GSE1: variants seen among roughly 807,000 people sequenced by gnomAD.
The protein encoded by GSE1 is Gse1 coiled-coil protein.
Under a neutral mutation model 112.6 loss-of-function variants are expected in GSE1, and 32 were observed. The observed-to-expected ratio is 0.28, with a 90% CI of 0.21 to 0.38. GSE1 has a LOEUF of 0.38. Among genes scored for constraint, GSE1 ranks in the 10% least tolerant of loss-of-function variants. The pLI is 1.00. For missense variants in GSE1, 2,348 were observed against 1,699.2 expected, an observed-to-expected ratio of 1.38 and a Z score of -6.71; for synonymous variants, 1,115 against 735.6, an observed-to-expected ratio of 1.52 and a Z score of -8.35.
At chr16:85,248,461 C>T (rs572004550) in intron 1 of GSE1, among the ~76,000 whole-genome samples, 50 of 151,960 alleles carry the variant, frequency 3.3e-4, no homozygotes, top group Non-Finnish European at 6.0e-4. Flanking sequence ...CTCACGCTCC[C>T]TCCTTTTTCC....
intron 1 of GSE1, among the ~76,000 whole-genome samples, chr16:85,268,744 C>G (rs1316707247): frequency 6.6e-6 from 1 of 152,214 alleles, no homozygotes; most frequent in Non-Finnish European, 1.5e-5. Context: ...CAGACACCCT[C>G]TGCCTTCCTC....
chr16:85,391,087 GC>G (rs944666086), intron 2 of GSE1, among the ~76,000 whole-genome samples: 1 of 150,900 alleles, frequency 6.6e-6, no homozygotes, highest in Non-Finnish European at 1.5e-5. Context: ...CCCAGGCACC[GC>G]CCCCCCACCG....
chr16:85,556,880 T>G (rs2045253251), intron 1 of GSE1, among the ~76,000 whole-genome samples: 1 of 151,150 alleles, frequency 6.6e-6, no homozygotes, highest in Non-Finnish European at 1.5e-5. Flanking sequence ...CCTGGAAGGT[T>G]TTGTTCCGCC....
At chr16:85,483,677 C>T (rs2151877831) in intron 2 of GSE1, among the ~76,000 whole-genome samples, 1 of 152,396 alleles carries the variant, frequency 6.6e-6, no homozygotes, top group East Asian at 1.9e-4. Flanking sequence ...CACCTGAGAA[C>T]ATGCTGGCAA....
chr16:85,321,558 C>T (rs868585465), intron 1 of GSE1, among the ~76,000 whole-genome samples: 49 of 152,066 alleles, frequency 3.2e-4, no homozygotes, highest in African/African-American at 1.1e-3. Flanking sequence ...CATTTGAGCC[C>T]GGGGGAGTTT....
intron 1 of GSE1, among the ~76,000 whole-genome samples, chr16:85,233,340 A>T (rs1326208491): frequency 6.6e-6 from 1 of 152,218 alleles, no homozygotes; most frequent in Admixed American, 6.5e-5. Flanking sequence ...GGTTGACAGA[A>T]TTGTCACCAA....
intron 1 of GSE1, among the ~76,000 whole-genome samples, chr16:85,291,053 A>G (rs1402748286): frequency 6.6e-6 from 1 of 152,250 alleles, no homozygotes; most frequent in Non-Finnish European, 1.5e-5. Context: ...TCAGGCAGAC[A>G]CTGTCCACAC....
chr16:85,492,447 A>C (rs918939277), intron 2 of GSE1, among the ~76,000 whole-genome samples: 3 of 152,212 alleles, frequency 2.0e-5, no homozygotes, highest in Non-Finnish European at 4.4e-5. Context: ...TGGCAACAGC[A>C]GTAAATGCTT....
intron 2 of GSE1, among the ~76,000 whole-genome samples, chr16:85,449,204 C>T (rs972559354): frequency 6.6e-6 from 1 of 152,188 alleles, no homozygotes; most frequent in African/African-American, 2.4e-5. Flanking sequence ...TAATGGTGCC[C>T]GTTTCACCTA....
chr16:85,422,903 G>A (rs374995393), intron 2 of GSE1, among the ~76,000 whole-genome samples: 2 of 152,160 alleles, frequency 1.3e-5, no homozygotes, highest in African/African-American at 4.8e-5. Context: ...GCCGCACCCC[G>A]CTTGCTCACC....
At chr16:85,196,208 T>G (rs1288002446) in intron 1 of GSE1, among the ~76,000 whole-genome samples, 1 of 152,206 alleles carries the variant, frequency 6.6e-6, no homozygotes, top group African/African-American at 2.4e-5. Context: ...GCCCGTGTTA[T>G]CATTGTCTCG....
At chr16:85,598,857 G>C (rs1567631714) in intron 1 of GSE1, among the ~76,000 whole-genome samples, 1 of 152,232 alleles carries the variant, frequency 6.6e-6, no homozygotes, top group Non-Finnish European at 1.5e-5. Flanking sequence ...CCCCTTGTTT[G>C]CTGGAGCAGG....
At position 85,649,970 on chromosome 16, in the gene GSE1, G is replaced by T. The variant is rs76095800; in HGVS notation, c.426+1219G>T. On this transcript the variant is annotated intron_variant, in intron 3 of 15. Coordinates refer to ENST00000253458, the MANE Select transcript of GSE1 (RefSeq NM_014615.5). ...ATCCAGGGTCCCAGTGGGAATCCCT[G>T]GGAGCTCCGGACTGGGACCCCCGGG... 7.2e-3 allele frequency among the ~76,000 whole-genome samples: 1,096 copies of T among 152,260 alleles called. 19 individuals carry two copies. The highest frequency in any genetic ancestry group is 0.025 in the African/African-American group (1,049 of 41,558).
At chr16:85,404,329 G>A (rs1339895054) in intron 2 of GSE1, among the ~76,000 whole-genome samples, 2 of 71,456 alleles carry the variant, frequency 2.8e-5, no homozygotes, top group Admixed American at 1.3e-4. Flanking sequence ...TTACACTCAG[G>A]GCCCCCCGGA....
At position 85,194,070 on chromosome 16, in the gene GSE1, C is replaced by T. The variant is rs571134108; in HGVS notation, c.2283+22263C>T. On this transcript the variant is annotated intron_variant, in intron 1 of 2. Coordinates refer to the GSE1 transcript ENST00000637419. ...GGTGAAGGCCTTGCCCAGGCTCATG[C>T]GGCCAGTATGTGGCAGAGCTCGACT... is the stretch of plus-strand genomic sequence containing the variant. 4.3e-4 allele frequency among the ~76,000 whole-genome samples: 65 copies of T among 152,318 alleles called. 1 individual carries two copies. The highest frequency in any genetic ancestry group is 3.5e-3 in the Admixed American group (54 of 15,300).
chr16:85,246,578 C>G (rs928630738), intron 1 of GSE1, among the ~76,000 whole-genome samples: 1 of 145,982 alleles, frequency 6.9e-6, no homozygotes, highest in Non-Finnish European at 1.5e-5. Context: ...TGTCCCCAGT[C>G]GTCTAATTAT....
chr16:85,636,235 G>T (rs1052278131), intron 2 of GSE1, among the ~76,000 whole-genome samples: 1 of 152,332 alleles, frequency 6.6e-6, no homozygotes, highest in South Asian at 2.1e-4. Flanking sequence ...GGGAGAGCGG[G>T]CGAGCAGTGC....
Position 85,670,924 on chromosome 16 carries a change from AGAG to A in GSE1, c.3416-67_3416-65del, listed in dbSNP as rs2053276125. On this transcript the variant is annotated intron_variant, in intron 14 of 15. Transcript: ENST00000253458. The stretch of plus-strand genomic sequence containing the variant: ...TTGGGCTCTGCTGGGCAGGGTGTGA[AGAG>A]GAGAGCACAAAGCGGGCCTTCGGGC... The A allele has an allele frequency of 1.2e-5, 11 of 929,344 alleles. No homozygotes were observed. The South Asian group carries it at 1.4e-4, about 11-fold the overall frequency. 57.6% of individuals were successfully genotyped at this position (929,344 alleles called of 1,614,324 possible). A position where few individuals can be genotyped will look rare whatever the true frequency, so the allele number is the denominator to read the frequency against.
intron 2 of GSE1, among the ~76,000 whole-genome samples, chr16:85,478,731 C>T (rs1046305499): frequency 1.4e-5 from 2 of 141,636 alleles, no homozygotes; most frequent in Admixed American, 7.0e-5. Flanking sequence ...GCAGTGGCTC[C>T]ATCTCAGCTC....
Sources: gnomAD v4.1 joint callset for allele counts (sites outside exome capture counted in the v4.1 genomes callset) on GRCh38, gnomAD v4.1.1 for gene constraint, MANE v1.5 for transcripts, NCBI Gene and HGNC (gene_info 2026-07-23, HGNC 2026-07-21) for gene names.